The following M1AP variants were observed in gnomAD, a reference collection of about 807,000 sequenced individuals.
M1AP encodes the protein meiosis 1 associated protein.
M1AP carries 39 observed loss-of-function variants against 51.2 expected under a neutral mutation model. That is an observed-to-expected ratio of 0.76 (90% CI 0.59 to 1.00). The LOEUF is 1.00. M1AP is among the 50% of genes least tolerant of loss of function. M1AP has a pLI of 0.00. For missense variants in M1AP, 545 were observed against 641.2 expected (o/e 0.85, Z 1.62); for synonymous variants, 251 against 249.2 (o/e 1.01, Z -0.07).
At chr2:74,584,968 A>G (rs973100531) in intron 4 of M1AP, among the ~76,000 whole-genome samples, 3 of 151,608 alleles carry the variant, frequency 2.0e-5, no homozygotes, top group Non-Finnish European at 4.4e-5. Flanking sequence ...TCGGCCTCCC[A>G]AGTAGCTGGG....
At chr2:74,582,269 G>C (rs1238036976) in intron 4 of M1AP, among the ~76,000 whole-genome samples, 1 of 152,130 alleles carries the variant, frequency 6.6e-6, no homozygotes, top group Non-Finnish European at 1.5e-5. Context: ...TTGATCCATT[G>C]ACTGTATCTC....
intron 7 of M1AP, among the ~76,000 whole-genome samples, chr2:74,562,786 C>T (rs1328795932): frequency 2.6e-5 from 4 of 151,982 alleles, no homozygotes; most frequent in African/African-American, 4.8e-5. Flanking sequence ...GCCCATGGTG[C>T]GTGACTGTAC....
Position 74,604,939 on chromosome 2 carries a change from G to A in M1AP, c.595+2116C>T, listed in dbSNP as rs1680882636. 2.0e-5 allele frequency among the ~76,000 whole-genome samples: 3 copies of A among 152,242 alleles called. No individual in the cohort carries two copies. In the South Asian group the frequency reaches 6.2e-4, roughly 32 times the overall value. On this transcript the variant is annotated intron_variant, in intron 4 of 10. Coordinates refer to ENST00000421985, the MANE Select transcript of M1AP (RefSeq NM_001321739.2). Reference sequence around the variant, plus strand: ...AAGAATAAAAGTCTGGCCAGGCATGGTAGCTCACACCTGTAATCCCAGCAC... The same window carrying A: ...AAGAATAAAAGTCTGGCCAGGCATGATAGCTCACACCTGTAATCCCAGCAC...
chr2:74,617,564 T>A (rs890599096), intron 2 of M1AP, among the ~76,000 whole-genome samples: 1 of 152,004 alleles, frequency 6.6e-6, no homozygotes, highest in Non-Finnish European at 1.5e-5. Context: ...TCAGAAAAAA[T>A]AACTAATGGG....
At chr2:74,591,480 T>C (rs363688) in intron 4 of M1AP, among the ~76,000 whole-genome samples, 3,593 of 152,208 alleles carry the variant, frequency 0.024, 121 homozygotes, top group African/African-American at 0.072. Context: ...CAATGCAAAA[T>C]TGAAAAGCTG....
At chr2:74,641,407 C>T (rs1197592956) in intron 1 of M1AP, among the ~76,000 whole-genome samples, 3 of 152,014 alleles carry the variant, frequency 2.0e-5, no homozygotes, top group Non-Finnish European at 4.4e-5. Flanking sequence ...AATGCTCAAA[C>T]GTGAAAAGGG....
Position 74,576,554 on chromosome 2 carries a change from G to A in M1AP, c.834C>T (p.Asp278=), listed in dbSNP as rs745433133. The change falls in exon 6 of 11, where the codon GAC becomes GAT. Residue 278 remains aspartate, a synonymous_variant. Transcript: ENST00000421985. ...LCPSLLAGTA[D]GSLRMDDPKG... ...TAGGGTCATCCATTCTCAAGGAGCC[G>A]TCAGCTGTGCCAGCGAGTAGGGATG... 41 of 1,613,860 alleles carry A rather than the reference G, an allele frequency of 2.5e-5. No individual in the cohort carries two copies. The Admixed American group carries it at 4.0e-4, about 16-fold the overall frequency.
Position 74,562,347 on chromosome 2 carries a change from A to G in M1AP, c.1151T>C (p.Phe384Ser). ...GGAGTGTGACGGCATGATCACATAG[A>G]AGGTGCTGGCAGGAATTCTCTGGCT... ...GHSQRIPAST[F>S]YVIMPSHSLT... Residue 384 changes from phenylalanine (F) to serine (S), a missense_variant, in exon 8 of 11, where the codon TTC (phenylalanine) becomes TCC (serine). Coordinates refer to ENST00000421985, the MANE Select transcript of M1AP (RefSeq NM_001321739.2). The G allele has an allele frequency of 6.2e-7, 1 of 1,614,190 alleles. No homozygotes were observed. The highest frequency in any genetic ancestry group is 1.3e-5 in the African/African-American group (1 of 75,046).
rs537428136 is a variant in M1AP, at chr2:74,634,632, C to T, written c.240+5404G>A. 1.1e-4 allele frequency among the ~76,000 whole-genome samples: 17 copies of T among 152,258 alleles called. No individual in the cohort carries two copies. In the South Asian group the frequency reaches 3.5e-3, roughly 32 times the overall value. The stretch of plus-strand genomic sequence containing the variant: ...CTAAGAGCAGACATCTTTGTCTTGT[C>T]TCAATCTTAGGGGGAAAGCATTCAG... On this transcript the variant is annotated intron_variant, in intron 2 of 10. Coordinates refer to ENST00000421985, the MANE Select transcript of M1AP (RefSeq NM_001321739.2).
chr2:74,600,972 A>G (rs971020755), intron 4 of M1AP, among the ~76,000 whole-genome samples: 1 of 152,144 alleles, frequency 6.6e-6, no homozygotes. Context: ...TACTATTAAT[A>G]TCAGTAGATG....
Position 74,562,390 on chromosome 2 carries a change from G to C in M1AP, c.1108C>G (p.Pro370Ala), listed in dbSNP as rs1263189400. The change falls in exon 8 of 11, where the codon CCA (proline) becomes GCA (alanine). Residue 370 changes from proline (P) to alanine (A), a missense_variant. By Grantham distance (27) the Pro-to-Ala change is conservative (BLOSUM62 -1). Coordinates refer to ENST00000421985, the MANE Select transcript of M1AP (RefSeq NM_001321739.2). The stretch of plus-strand genomic sequence containing the variant: ...CTCTGGCTGTGTCCTGGGCCCGGTG[G>C]TTCCCCCTTGGCTAACAGCAGCCAT... ...REWLLLAKGE[P>A]PGPGHSQRIP... The C allele has an allele frequency of 5.6e-6, 9 of 1,614,228 alleles. No individual in the cohort carries two copies. Among genetic ancestry groups the C allele is most frequent in the African/African-American group, 2.7e-5 (2 of 75,058 alleles).
At chr2:74,617,680 T>TA (rs1225148055) in intron 2 of M1AP, among the ~76,000 whole-genome samples, 3 of 152,118 alleles carry the variant, frequency 2.0e-5, no homozygotes, top group Non-Finnish European at 2.9e-5. Flanking sequence ...AAATAAAAGT[T>TA]AAAAAAATTC....
chr2:74,637,207 C>G (rs1683035328), intron 2 of M1AP, among the ~76,000 whole-genome samples: 1 of 152,022 alleles, frequency 6.6e-6, no homozygotes, highest in Non-Finnish European at 1.5e-5. Flanking sequence ...CTAATCTTTT[C>G]TTTTGTAATG....
chr2:74,584,225 T>C (rs1679572279), intron 4 of M1AP, among the ~76,000 whole-genome samples: 6 of 152,184 alleles, frequency 3.9e-5, no homozygotes, highest in Admixed American at 3.9e-4. Context: ...GCCTGTACTT[T>C]GATTTGAGTA....
At chr2:74,561,375 C>T (rs2104503525) in intron 8 of M1AP, among the ~76,000 whole-genome samples, 1 of 152,282 alleles carries the variant, frequency 6.6e-6, no homozygotes, top group East Asian at 1.9e-4. Flanking sequence ...ACATTGGCTG[C>T]CTTTTCTCAA....
At chr2:74,571,357 A>G (rs1456569327) in intron 7 of M1AP, among the ~76,000 whole-genome samples, 2 of 152,234 alleles carry the variant, frequency 1.3e-5, no homozygotes, top group African/African-American at 2.4e-5. Flanking sequence ...ACAGAAAGGC[A>G]GAAGTTAGAA....
intron 4 of M1AP, among the ~76,000 whole-genome samples, chr2:74,599,469 A>C (rs1266062666): frequency 1.3e-5 from 2 of 151,966 alleles, no homozygotes; most frequent in Non-Finnish European, 2.9e-5. Context: ...ATTTTTTCCT[A>C]TATGGAATAT....
chr2:74,595,383 ACT>A (rs1209207622), intron 4 of M1AP, among the ~76,000 whole-genome samples: 2 of 151,942 alleles, frequency 1.3e-5, no homozygotes, highest in African/African-American at 4.8e-5. Context: ...ACAGGGTCTC[ACT>A]CTGTCACCCA....
At chr2:74,589,026 T>C (rs1447603369) in intron 4 of M1AP, among the ~76,000 whole-genome samples, 1 of 152,182 alleles carries the variant, frequency 6.6e-6, no homozygotes, top group Non-Finnish European at 1.5e-5. Flanking sequence ...TTTCAGATGA[T>C]AGATACTATG....
Sources: allele counts gnomAD v4.1 joint callset (sites outside exome capture counted in the v4.1 genomes callset), GRCh38; gene constraint gnomAD v4.1.1; transcripts MANE v1.5; gene names NCBI Gene and HGNC (gene_info 2026-07-23, HGNC 2026-07-21).